THOC5: variants seen among roughly 807,000 people sequenced by gnomAD.
THOC5 encodes Fms-interacting protein.
Under a neutral mutation model 92.9 loss-of-function variants are expected in THOC5, and 43 were observed. The observed-to-expected ratio is 0.46, with a 90% confidence interval of 0.36 to 0.60. The LOEUF is 0.60. Among genes scored for constraint, THOC5 ranks in the 20% least tolerant of loss-of-function variants. The pLI is 0.00. For synonymous variants in THOC5, 296 were observed against 320.1 expected, an observed-to-expected ratio of 0.92 and a Z score of 0.80; for missense variants, 659 against 849.4, an observed-to-expected ratio of 0.78 and a Z score of 2.79.
chr22:29,533,739 T>A (rs1428925272), intron 7 of THOC5, among the ~76,000 whole-genome samples: 1 of 152,206 alleles, frequency 6.6e-6, no homozygotes, highest in African/African-American at 2.4e-5. Flanking sequence ...CAAAATGTGC[T>A]GTGTTCAACA....
intron 11 of THOC5, among the ~76,000 whole-genome samples, chr22:29,526,594 A>G (rs1467835052): frequency 6.6e-6 from 1 of 152,104 alleles, no homozygotes; most frequent in Non-Finnish European, 1.5e-5. Flanking sequence ...AGCATCTACA[A>G]ATTCTTTGCT....
At chr22:29,542,534 C>A (rs1308146300) in intron 5 of THOC5, among the ~76,000 whole-genome samples, 1 of 152,118 alleles carries the variant, frequency 6.6e-6, no homozygotes, top group Non-Finnish European at 1.5e-5. Flanking sequence ...GAGGCCGAGG[C>A]GGGAGGACCA....
At position 29,506,439 on chromosome 22, in the gene THOC5, G is replaced by A. The variant is rs1169050263; in HGVS notation, c.*2018C>T. On this transcript the variant is annotated 3_prime_UTR_variant, in exon 20 of 20. Coordinates refer to ENST00000490103, the MANE Select transcript of THOC5 (RefSeq NM_003678.5). The stretch of plus-strand genomic sequence containing the variant: ...TATAATCCTAGCACTTTGGGAGGCC[G>A]AGGTGGGAGGATCATTTGAGCCCAG... 3 of 152,290 alleles carry A rather than the reference G, an allele frequency of 2.0e-5. No individual in the cohort carries two copies. The highest frequency in any genetic ancestry group is 2.4e-5 in the African/African-American group (1 of 41,564). 9.4% of individuals were successfully genotyped at this position (152,290 alleles called of 1,614,324 possible).
intron 1 of THOC5, 100 bp from the exon 2 acceptor site, chr22:29,549,258 T>C (rs923136255): frequency 2.0e-6 from 2 of 978,350 alleles, no homozygotes; most frequent in Non-Finnish European, 3.2e-6. Context: ...TCAAGGAAAG[T>C]CATTTAACCC....
At chr22:29,512,544 ATATTTTCTC>A (rs767249955) in intron 17 of THOC5, among the ~76,000 whole-genome samples, 14 of 152,216 alleles carry the variant, frequency 9.2e-5, no homozygotes, top group Non-Finnish European at 1.8e-4. Context: ...CACATCAAAT[ATATTTTCTC>A]TATTTTCTTC....
At chr22:29,526,032 G>C in intron 11 of THOC5, 86 bp from the exon 12 acceptor site, 3 of 547,482 alleles carry the variant, frequency 5.5e-6, no homozygotes, top group Non-Finnish European at 3.3e-6. Context: ...AAGGTGGGGG[G>C]GTCAAGTGTT....
At chr22:29,519,585 C>G (rs2063399498) in intron 14 of THOC5, among the ~76,000 whole-genome samples, 1 of 151,442 alleles carries the variant, frequency 6.6e-6, no homozygotes, top group African/African-American at 2.4e-5. Context: ...GGTCACAGCC[C>G]TGAGGGGACA....
chr22:29,541,905 T>C (rs958698135), intron 5 of THOC5, among the ~76,000 whole-genome samples: 2 of 76,574 alleles, frequency 2.6e-5, no homozygotes, highest in Middle Eastern at 7.6e-3. Flanking sequence ...TATATATATA[T>C]ATATATATAT....
chr22:29,551,741 G>A (rs1388599820), intron 1 of THOC5, among the ~76,000 whole-genome samples: 4 of 151,132 alleles, frequency 2.6e-5, no homozygotes, highest in South Asian at 2.1e-4. Flanking sequence ...CAGAGATCCC[G>A]TTGCAAAAAA....
At chr22:29,536,760 T>C in intron 6 of THOC5, 22 bp from the exon 7 acceptor site, 1 of 1,351,444 alleles carries the variant, frequency 7.4e-7, no homozygotes, top group East Asian at 2.3e-5. Flanking sequence ...GGAAAGAGCA[T>C]TGTCACCTGA....
At chr22:29,545,070 T>C (rs998301920) in intron 2 of THOC5, 36 of 438,252 alleles carry the variant, frequency 8.2e-5, no homozygotes, top group Non-Finnish European at 1.4e-4. Context: ...CAGTCCCACA[T>C]AGCTGGGGAG....
chr22:29,514,106 G>A (rs5763292), intron 17 of THOC5: 26,458 of 151,366 alleles, frequency 0.17, 2,532 homozygotes, highest in Middle Eastern at 0.23. Context: ...ATGCGCCACC[G>A]CGCCCAGCTA....
At chr22:29,530,770 G>C (rs976821892) in intron 8 of THOC5, among the ~76,000 whole-genome samples, 1 of 152,238 alleles carries the variant, frequency 6.6e-6, no homozygotes, top group South Asian at 2.1e-4. Context: ...AGGGTCTAGC[G>C]TTGTGAGGTC....
At chr22:29,539,550 TC>T in intron 5 of THOC5, 74 bp from the exon 6 acceptor site, 1 of 1,514,422 alleles carries the variant, frequency 6.6e-7, no homozygotes, top group South Asian at 1.2e-5. Flanking sequence ...CCCAAAGTTA[TC>T]CCCAACATAT....
At chr22:29,536,325 AG>A (rs950947841) in intron 7 of THOC5, 26 of 274,900 alleles carry the variant, frequency 9.5e-5, no homozygotes, top group Middle Eastern at 1.1e-3. Flanking sequence ...GGAGATTGTG[AG>A]GCCGGTGGGG....
At chr22:29,535,024 T>C (rs2063731072) in intron 7 of THOC5, 1 of 148,472 alleles carries the variant, frequency 6.7e-6, no homozygotes, top group African/African-American at 2.5e-5. Context: ...ATCCCAGTAC[T>C]TTGCCGAGGC....
chr22:29,531,427 G>A, intron 8 of THOC5: 1 of 1,006,578 alleles, frequency 9.9e-7, no homozygotes, highest in Middle Eastern at 5.0e-4. Context: ...CCTGATTCAA[G>A]GCATGGTGAA....
chr22:29,517,064 T>C lies in THOC5; in HGVS notation c.1646A>G (p.Asn549Ser), dbSNP rs762452125. 46 of 1,614,038 alleles carry C rather than the reference T, an allele frequency of 2.8e-5. No individual in the cohort carries two copies. The highest frequency in any genetic ancestry group is 3.7e-5 in the Non-Finnish European group (44 of 1,180,020). Residue 549 changes from asparagine (N) to serine (S), a missense_variant, in exon 17 of 20, where the codon AAT becomes AGT. By Grantham distance (46) the Asn-to-Ser change is conservative (BLOSUM62 1). Coordinates refer to ENST00000490103, the MANE Select transcript of THOC5 (RefSeq NM_003678.5). ...IVDAGLAGDT[N>S]LYYMALIERG... ...TTCGATGAGCGCCATGTAGTAGAGATTGGTGTCCCCAGCCAGTCCCGCATC... is the reference window on the plus strand; with the variant it reads ...TTCGATGAGCGCCATGTAGTAGAGACTGGTGTCCCCAGCCAGTCCCGCATC...
intron 7 of THOC5, 125 bp downstream of exon 7, chr22:29,536,498 GA>G: frequency 1.6e-6 from 1 of 628,798 alleles, no homozygotes. Context: ...TAGGGATGCA[GA>G]CAAGGCCATC....
Sources: gnomAD v4.1 joint callset for allele counts (sites outside exome capture counted in the v4.1 genomes callset) on GRCh38, gnomAD v4.1.1 for gene constraint, MANE v1.5 for transcripts, NCBI Gene and HGNC (gene_info 2026-07-23, HGNC 2026-07-21) for gene names.